The following PCSK2 variants were observed in gnomAD, a reference collection of about 807,000 sequenced individuals.
PCSK2 encodes neuroendocrine convertase 2.
Under a neutral mutation model 69.7 loss-of-function variants are expected in PCSK2, and 14 were observed. The observed-to-expected ratio is 0.20, with a 90% CI of 0.13 to 0.31. The LOEUF (loss-of-function observed/expected upper bound fraction) is 0.31, where lower values mean the gene tolerates loss of function less well. Ranked by LOEUF, PCSK2 falls within the 10% of genes least tolerant of loss-of-function variation. The probability of loss-of-function intolerance (pLI) is 1.00; values close to 1 mark genes in which losing one functional copy is unlikely to be tolerated. For synonymous variants in PCSK2, 307 were observed against 320.7 expected, an observed-to-expected ratio of 0.96 and a Z score of 0.46; for missense variants, 544 against 842.5, an observed-to-expected ratio of 0.65 and a Z score of 4.39.
intron 1 of PCSK2, among the ~76,000 whole-genome samples, chr20:17,233,434 A>G (rs1185628070): frequency 6.6e-6 from 1 of 152,158 alleles, no homozygotes; most frequent in Non-Finnish European, 1.5e-5. Context: ...GTGACAACTG[A>G]TTGAGTAAGG....
In PCSK2 at chr20:17,343,768, A is replaced by C. The variant is rs1990574167; in HGVS notation, c.283-14559A>C. On this transcript the variant is annotated intron_variant, in intron 2 of 11. Coordinates refer to ENST00000262545, the MANE Select transcript of PCSK2 (RefSeq NM_002594.5). ...ATATCATACAAGAAATATTTCATCC[A>C]CTGTTGCGCCGTTAATGATGGAGAA... is the stretch of plus-strand genomic sequence containing the variant. Among the ~76,000 whole-genome samples the C allele has an allele frequency of 2.0e-5, 3 of 152,182 alleles. No homozygotes were observed. In the South Asian group the frequency reaches 6.2e-4, roughly 32 times the overall value.
chr20:17,465,023 A>G, intron 10 of PCSK2: 1 of 398,864 alleles, frequency 2.5e-6, no homozygotes, highest in Non-Finnish European at 4.7e-6. Context: ...CAGTTGCTCC[A>G]CATCTTCAAC....
At chr20:17,410,890 A>C (rs2031856623) in intron 6 of PCSK2, among the ~76,000 whole-genome samples, 1 of 152,212 alleles carries the variant, frequency 6.6e-6, no homozygotes, top group Admixed American at 6.5e-5. Context: ...CTCCGCATGA[A>C]TATCAGAAAG....
At chr20:17,464,952 C>T (rs1029621852) in intron 10 of PCSK2, 11 of 295,728 alleles carry the variant, frequency 3.7e-5, no homozygotes, top group African/African-American at 2.4e-4. Flanking sequence ...AAGATACAGC[C>T]AAACAGTTTT....
intron 8 of PCSK2, among the ~76,000 whole-genome samples, chr20:17,448,356 C>G (rs1430713552): frequency 6.6e-6 from 1 of 152,200 alleles, no homozygotes; most frequent in African/African-American, 2.4e-5. Context: ...GCTGGGGACA[C>G]AGCAAGCCAC....
At chr20:17,357,894 CAA>C (rs11429693) in intron 2 of PCSK2, among the ~76,000 whole-genome samples, 36 of 120,280 alleles carry the variant, frequency 3.0e-4, no homozygotes, top group Admixed American at 2.4e-4. Context: ...AACTCTGTCT[CAA>C]AAAAAAAAAA....
intron 2 of PCSK2, among the ~76,000 whole-genome samples, chr20:17,337,925 T>A (rs1351142461): frequency 5.7e-5 from 3 of 52,252 alleles, no homozygotes; most frequent in Non-Finnish European, 9.3e-5. Flanking sequence ...CAAAAACCCA[T>A]CTCAAAAAAA....
intron 5 of PCSK2, among the ~76,000 whole-genome samples, chr20:17,399,292 A>G (rs940584032): frequency 6.6e-6 from 1 of 152,204 alleles, no homozygotes; most frequent in Non-Finnish European, 1.5e-5. Flanking sequence ...TTTCCACACC[A>G]TTACTTTATT....
At chr20:17,398,523 CAAAAAA>C (rs36062712) in intron 5 of PCSK2, among the ~76,000 whole-genome samples, 25 of 85,210 alleles carry the variant, frequency 2.9e-4, no homozygotes, top group African/African-American at 8.9e-4. Context: ...GATCCTGTCT[CAAAAAA>C]AAAAAAAAAA....
At chr20:17,247,690 C>A (rs1390847917) in intron 1 of PCSK2, among the ~76,000 whole-genome samples, 1 of 152,188 alleles carries the variant, frequency 6.6e-6, no homozygotes, top group Non-Finnish European at 1.5e-5. Flanking sequence ...TGCACAGATG[C>A]ACAAAATTTG....
At chr20:17,403,799 T>C (rs944810024) in intron 5 of PCSK2, among the ~76,000 whole-genome samples, 16 of 152,232 alleles carry the variant, frequency 1.1e-4, no homozygotes, top group African/African-American at 3.9e-4. Context: ...ATTTAAGATG[T>C]TATTCAAGTC....
chr20:17,288,928 G>A (rs879882453), intron 2 of PCSK2, among the ~76,000 whole-genome samples: 4 of 152,176 alleles, frequency 2.6e-5, no homozygotes, highest in Non-Finnish European at 5.9e-5. Flanking sequence ...TCAAAAGACT[G>A]CGTGAAGCTA....
intron 5 of PCSK2, among the ~76,000 whole-genome samples, chr20:17,405,510 G>A (rs560988448): frequency 5.3e-5 from 8 of 152,292 alleles, no homozygotes; most frequent in Admixed American, 2.6e-4. Context: ...CCCCAAATCC[G>A]AAAGGTGTCA....
chr20:17,392,750 A>G (rs2031415941), intron 5 of PCSK2, among the ~76,000 whole-genome samples: 1 of 152,220 alleles, frequency 6.6e-6, no homozygotes, highest in African/African-American at 2.4e-5. Context: ...GCATATATCA[A>G]TAACATGTTC....
At chr20:17,282,612 T>C (rs1988356756) in intron 2 of PCSK2, among the ~76,000 whole-genome samples, 1 of 151,972 alleles carries the variant, frequency 6.6e-6, no homozygotes, top group Non-Finnish European at 1.5e-5. Flanking sequence ...AAAGATAATC[T>C]CCAAAGGAGG....
chr20:17,229,771 T>A (rs62202191), intron 1 of PCSK2, among the ~76,000 whole-genome samples: 1 of 152,102 alleles, frequency 6.6e-6, no homozygotes. Context: ...TCCTTTTGGA[T>A]CCATGTCTTG....
At chr20:17,442,829 TC>T (rs1316339168) in intron 8 of PCSK2, among the ~76,000 whole-genome samples, 1 of 152,198 alleles carries the variant, frequency 6.6e-6, no homozygotes, top group African/African-American at 2.4e-5. Context: ...AGCACACCTC[TC>T]GTTAGAGGAC....
At chr20:17,235,953 T>C (rs1250685694) in intron 1 of PCSK2, among the ~76,000 whole-genome samples, 2 of 152,122 alleles carry the variant, frequency 1.3e-5, no homozygotes, top group Non-Finnish European at 1.5e-5. Flanking sequence ...ATGAAAAATG[T>C]AATAACTTTG....
At chr20:17,434,647 C>T (rs186632997) in intron 7 of PCSK2, among the ~76,000 whole-genome samples, 18 of 152,260 alleles carry the variant, frequency 1.2e-4, no homozygotes, top group Admixed American at 1.1e-3. Flanking sequence ...GCTGGAAGTG[C>T]CATGCACCAG....
Sources: allele counts gnomAD v4.1 joint callset (sites outside exome capture counted in the v4.1 genomes callset), GRCh38; gene constraint gnomAD v4.1.1; transcripts MANE v1.5; gene names NCBI Gene and HGNC (gene_info 2026-07-23, HGNC 2026-07-21).